POFUT4: variants seen among roughly 807,000 people sequenced by gnomAD.
The protein encoded by POFUT4 is protein O-fucosyltransferase 4, also known as GDP-fucose protein O-fucosyltransferase 4.
the POFUT4 span, chr10:73,773,491 T>C: frequency 6.2e-7 from 1 of 1,614,252 alleles, no homozygotes; most frequent in Non-Finnish European, 8.5e-7. Context: ...GCAGAGTTTA[T>C]TGACTTTCTG....
chr10:73,773,638 G>T, the POFUT4 span: 1 of 1,614,116 alleles, frequency 6.2e-7, no homozygotes, highest in African/African-American at 1.3e-5. Flanking sequence ...TACCTCAACG[G>T]CTTCGAGTGT....
At chr10:73,772,437 AGGCGGAGTG>A in the POFUT4 span, 19 of 1,565,430 alleles carry the variant, frequency 1.2e-5, no homozygotes, top group Admixed American at 1.5e-4. Flanking sequence ...GCCGGCGGGG[AGGCGGAGTG>A]GGCGGAACCG....
chr10:73,775,560 C>G, the POFUT4 span: 2 of 1,614,222 alleles, frequency 1.2e-6, no homozygotes, highest in South Asian at 1.1e-5. Context: ...GATGTGGCTG[C>G]AAGATTATTG....
chr10:73,774,114 TG>T, the POFUT4 span: 1 of 322,040 alleles, frequency 3.1e-6, no homozygotes, highest in African/African-American at 2.1e-5. Flanking sequence ...AGAGAGAAAA[TG>T]GGGCAAATAA....
chr10:73,777,000 C>T, the POFUT4 span, among the ~76,000 whole-genome samples: 2 of 152,094 alleles, frequency 1.3e-5, no homozygotes, highest in African/African-American at 4.8e-5. Flanking sequence ...TTTTTAATGG[C>T]CTTGTCTTTC....
At chr10:73,778,339 G>A in the POFUT4 span, among the ~76,000 whole-genome samples, 8 of 147,688 alleles carry the variant, frequency 5.4e-5, no homozygotes, top group Non-Finnish European at 1.2e-4. Flanking sequence ...GTTGCAGTGA[G>A]CTGAGATCGC....
At chr10:73,778,368 GGGT>G in the POFUT4 span, among the ~76,000 whole-genome samples, 5 of 148,020 alleles carry the variant, frequency 3.4e-5, no homozygotes, top group African/African-American at 5.0e-5. Flanking sequence ...ACTCCAGCCT[GGGT>G]GACGAGCGAA....
chr10:73,772,949 C>T, the POFUT4 span: 3 of 1,606,588 alleles, frequency 1.9e-6, no homozygotes, highest in Non-Finnish European at 2.5e-6. Context: ...GTGGCGCCGC[C>T]GCGGCTACGC....
chr10:73,775,352 G>A, the POFUT4 span: 1 of 1,392,356 alleles, frequency 7.2e-7, no homozygotes, highest in East Asian at 2.3e-5. Flanking sequence ...ATGTCTTTGT[G>A]TTTGTGACTT....
chr10:73,773,745 C>T, the POFUT4 span: 1 of 1,613,800 alleles, frequency 6.2e-7, no homozygotes. Context: ...CATTGCCCAG[C>T]CCTCACACAT....
At chr10:73,774,036 T>G in the POFUT4 span, 42 of 544,858 alleles carry the variant, frequency 7.7e-5, no homozygotes, top group African/African-American at 7.4e-4. Flanking sequence ...AATCAGCTTA[T>G]GTGAACAATG....
At chr10:73,773,544 C>T in the POFUT4 span, 1 of 1,614,266 alleles carries the variant, frequency 6.2e-7, no homozygotes, top group Admixed American at 1.7e-5. Context: ...GGCATACAAG[C>T]AACCTGGGGG....
chr10:73,775,963 T>A, the POFUT4 span: 1 of 423,152 alleles, frequency 2.4e-6, no homozygotes, highest in Non-Finnish European at 4.3e-6. Context: ...TCCAACAGAG[T>A]TTTTAAACTA....
the POFUT4 span, chr10:73,772,427 G>T: frequency 1.3e-6 from 2 of 1,569,816 alleles, 1 homozygote; most frequent in South Asian, 2.4e-5. Context: ...GGAGAGGGAG[G>T]CCGGCGGGGA....
At chr10:73,772,680 G>A in the POFUT4 span, 1 of 1,560,316 alleles carries the variant, frequency 6.4e-7, no homozygotes, top group South Asian at 1.2e-5. Context: ...AGGGACTCGC[G>A]GACGCGCGCG....
the POFUT4 span, chr10:73,773,678 G>A: frequency 8.7e-6 from 14 of 1,614,234 alleles, no homozygotes; most frequent in South Asian, 1.1e-4. Context: ...TGGCTCGGCT[G>A]GATGCCGAGA....
the POFUT4 span, chr10:73,772,518 C>T: frequency 6.4e-7 from 1 of 1,564,364 alleles, no homozygotes; most frequent in Non-Finnish European, 8.6e-7. Context: ...ACGCGCAGCT[C>T]TGGGACGCCG....
chr10:73,772,814 G>A, the POFUT4 span: 1 of 1,611,972 alleles, frequency 6.2e-7, no homozygotes, highest in South Asian at 1.1e-5. Flanking sequence ...CCACGGCCCG[G>A]GCATCCGCCT....
At chr10:73,779,563 C>CAA in the POFUT4 span, 528 of 136,446 alleles carry the variant, frequency 3.9e-3, 1 homozygote, top group Middle Eastern at 0.022. Context: ...AACTCCATTT[C>CAA]AAAAAAAAAA....
Sources: gnomAD v4.1 joint callset for allele counts (sites outside exome capture counted in the v4.1 genomes callset) on GRCh38, gnomAD v4.1.1 for gene constraint, MANE v1.5 for transcripts, NCBI Gene and HGNC (gene_info 2026-07-23, HGNC 2026-07-21) for gene names.